Variants in PCDHGA9 observed in about 807,000 individuals in gnomAD.
The protein encoded by PCDHGA9 is protocadherin gamma subfamily A, 9.
A neutral mutation model predicts 62.5 loss-of-function variants in PCDHGA9; 37 were observed. The observed-to-expected ratio is 0.59, with a 90% CI of 0.46 to 0.78. The LOEUF (loss-of-function observed/expected upper bound fraction) is 0.78. Ranked by LOEUF, PCDHGA9 falls within the 30% of genes least tolerant of loss-of-function variation. The pLI is 0.00. For missense variants in PCDHGA9, 1,138 were observed against 1,166.2 expected, an observed-to-expected ratio of 0.98 and a Z score of 0.35; for synonymous variants, 459 against 484.6, an observed-to-expected ratio of 0.95 and a Z score of 0.69.
intron 1 of PCDHGA9, among the ~76,000 whole-genome samples, chr5:141,450,826 A>T (rs965147554): frequency 1.9e-4 from 26 of 134,356 alleles, no homozygotes; most frequent in East Asian, 6.4e-4. Context: ...TATTATTATT[A>T]TTATTTTTTT....
intron 1 of PCDHGA9, chr5:141,492,003 T>G: frequency 1.6e-6 from 1 of 626,972 alleles, no homozygotes; most frequent in Non-Finnish European, 2.6e-6. Context: ...TCGGGCGATT[T>G]CCGCGGGTGT....
chr5:141,423,185 C>T (rs996177363), intron 1 of PCDHGA9: 7 of 1,613,492 alleles, frequency 4.3e-6, no homozygotes, highest in Non-Finnish European at 5.9e-6. Context: ...CACGGCCAGC[C>T]CCCTCTCTCG....
rs764363553 is a variant in PCDHGA9 at position 141,432,120 on chromosome 5, A to C, written c.2424+26744A>C. The C allele has an allele frequency of 1.2e-6, 2 of 1,613,978 alleles. No homozygotes were observed. Among genetic ancestry groups the C allele is most frequent in the African/African-American group, 2.7e-5 (2 of 74,894 alleles). ...AACGACAACCCGCCGGTCTTCCCTC[A>C]GGCCTCCTATTCCGCTTATATCCCA... On this transcript the variant is annotated intron_variant, in intron 1 of 3. Transcript: ENST00000573521. The surrounding 1 kb of genome is among the most constrained non-coding windows in gnomAD (Gnocchi z 6.0).
chr5:141,458,104 A>G (rs969775517), intron 1 of PCDHGA9, among the ~76,000 whole-genome samples: 6 of 152,232 alleles, frequency 3.9e-5, no homozygotes, highest in Non-Finnish European at 8.8e-5. Flanking sequence ...ACTTACAGAT[A>G]GTCTCCAAAT....
chr5:141,413,541 G>A, intron 1 of PCDHGA9: 1 of 1,613,904 alleles, frequency 6.2e-7, no homozygotes, highest in Non-Finnish European at 8.5e-7. Flanking sequence ...AACTTTTTGG[G>A]ATAGAAATAG....
rs1273209859 is a variant in PCDHGA9 at position 141,403,051 on chromosome 5, C to T, written c.99C>T (p.Tyr33=). 6 of 1,614,086 alleles carry T rather than the reference C, an allele frequency of 3.7e-6. No individual in the cohort carries two copies. Among genetic ancestry groups the T allele is most frequent in the Admixed American group, 1.7e-5 (1 of 60,034 alleles). ...LWEARASQIR[Y]SVPEETEKGY... ...AGGCCAGGGCCAGTCAGATTCGCTA[C>T]TCAGTGCCTGAAGAGACAGAAAAGG... The change falls in exon 1 of 4, where the codon TAC becomes TAT. Residue 33 remains tyrosine, a synonymous_variant. Transcript: ENST00000573521.
In PCDHGA9 at chr5:141,486,157, AG is replaced by A. The variant is rs1562110605; in HGVS notation, c.2425-8649del. 1 of 1,614,208 alleles carries A rather than the reference AG, an allele frequency of 6.2e-7. No homozygotes were observed. Among genetic ancestry groups the A allele is most frequent in the Admixed American group, 1.7e-5 (1 of 60,026 alleles). On this transcript the variant is annotated intron_variant, in intron 1 of 3. Coordinates refer to ENST00000573521, the MANE Select transcript of PCDHGA9 (RefSeq NM_018921.3). This position sits in a 1 kb window ranked among gnomAD's most constrained non-coding sequence, Gnocchi z 5.0. ...TGCGGGCTCGCGATGGGGGTTCTCC[AG>A]CCATGGAGCAACATTGCAGCCTTCG...
chr5:141,510,510 G>C (rs1042950478), intron 3 of PCDHGA9, among the ~76,000 whole-genome samples: 1 of 152,132 alleles, frequency 6.6e-6, no homozygotes, highest in Non-Finnish European at 1.5e-5. Context: ...CTGAGAGCCC[G>C]TGTCACAGCC....
At chr5:141,481,795 T>C (rs2154579318) in intron 1 of PCDHGA9, among the ~76,000 whole-genome samples, 1 of 150,244 alleles carries the variant, frequency 6.7e-6, no homozygotes, top group South Asian at 2.1e-4. Context: ...CTACTAAAAA[T>C]ACAAAAATTC....
chr5:141,479,606 T>TA (rs1315315740), intron 1 of PCDHGA9: 1 of 152,184 alleles, frequency 6.6e-6, no homozygotes, highest in Non-Finnish European at 1.5e-5. Context: ...GCCTAGGCAA[T>TA]ATAGGGAAAC....
At chr5:141,407,960 C>T in intron 1 of PCDHGA9, 1 of 669,186 alleles carries the variant, frequency 1.5e-6, no homozygotes, top group Non-Finnish European at 2.4e-6. Flanking sequence ...CAGTGCAGAG[C>T]AAGCGCTGAC....
In PCDHGA9 at chr5:141,433,172, G is replaced by C. The variant is rs147848043; in HGVS notation, c.2424+27796G>C. 533 of 1,610,720 alleles carry C rather than the reference G, an allele frequency of 3.3e-4. 5 individuals carry two copies. In the South Asian group the frequency reaches 5.0e-3, roughly 15 times the overall value. On this transcript the variant is annotated intron_variant, in intron 1 of 3. Transcript: ENST00000573521. ...TTCGGTATTTTCTAAAGACAGTCAT[G>C]GGTTAATTGAGGTGAGTTTATATCA...
At chr5:141,481,592 C>T (rs765060653) in intron 1 of PCDHGA9, among the ~76,000 whole-genome samples, 2 of 152,112 alleles carry the variant, frequency 1.3e-5, no homozygotes, top group East Asian at 1.9e-4. Context: ...CTGAGGCCAG[C>T]GGATCACCTG....
At chr5:141,433,401 A>ATCTATCTATCTC (rs1444244130) in intron 1 of PCDHGA9, among the ~76,000 whole-genome samples, 15 of 150,598 alleles carry the variant, frequency 1.0e-4, no homozygotes, top group African/African-American at 3.4e-4. Flanking sequence ...CTATCTATCT[A>ATCTATCTATCTC]TCTATTACTT....
At chr5:141,446,968 G>A (rs1052445705) in intron 1 of PCDHGA9, among the ~76,000 whole-genome samples, 12 of 152,050 alleles carry the variant, frequency 7.9e-5, no homozygotes, top group African/African-American at 2.4e-4. Flanking sequence ...AGGGAAATTT[G>A]CTGTCTAATT....
chr5:141,451,148 G>A (rs536843411), intron 1 of PCDHGA9, among the ~76,000 whole-genome samples: 2 of 152,154 alleles, frequency 1.3e-5, no homozygotes, highest in East Asian at 3.9e-4. Flanking sequence ...ATTTAGACTA[G>A]ACATTTTTTT....
At position 141,490,545 on chromosome 5, in the gene PCDHGA9, C is replaced by T; in HGVS notation, c.2425-4262C>T. 3 of 1,614,164 alleles carry T rather than the reference C, an allele frequency of 1.9e-6. No homozygotes were observed. The highest frequency in any genetic ancestry group is 2.5e-6 in the Non-Finnish European group (3 of 1,180,018). ...GCGATGCTGGTTCACCTTCCCTACA[C>T]AAACATCTCACCATCAGGCTCAACA... On this transcript the variant is annotated intron_variant, in intron 1 of 3. Coordinates refer to ENST00000573521, the MANE Select transcript of PCDHGA9 (RefSeq NM_018921.3). The surrounding 1 kb of genome is among the most constrained non-coding windows in gnomAD (Gnocchi z 5.4).
chr5:141,403,353 A>T lies in PCDHGA9; in HGVS notation c.401A>T (p.Gln134Leu), dbSNP rs1335542003. The T allele has an allele frequency of 2.5e-6, 4 of 1,613,932 alleles. No individual in the cohort carries two copies. In the East Asian group the frequency reaches 6.7e-5, roughly 27 times the overall value. ...ATTAACGACAGCGCCCCAAAGTTCC[A>T]GGCCGAAAGTCTGGAAGTAAAAATT... The part of the protein sequence containing the change: ...TDINDSAPKF[Q>L]AESLEVKINE... The change falls in exon 1 of 4, where the codon CAG becomes CTG. Residue 134 changes from glutamine (Q) to leucine (L), a missense_variant. Coordinates refer to ENST00000573521, the MANE Select transcript of PCDHGA9 (RefSeq NM_018921.3).
At chr5:141,467,008 AT>A (rs1165146249) in intron 1 of PCDHGA9, among the ~76,000 whole-genome samples, 2 of 150,270 alleles carry the variant, frequency 1.3e-5, no homozygotes, top group Non-Finnish European at 3.0e-5. Context: ...TTGCAATGCA[AT>A]TTTTTTCCCT....
Sources: allele counts gnomAD v4.1 joint callset (sites outside exome capture counted in the v4.1 genomes callset), GRCh38; gene constraint gnomAD v4.1.1; non-coding constraint Gnocchi (gnomAD v3.1); transcripts MANE v1.5; gene names NCBI Gene and HGNC (gene_info 2026-07-23, HGNC 2026-07-21).